The following CLCN4 variants were observed in gnomAD, a reference collection of about 807,000 sequenced individuals.
The protein encoded by CLCN4 is H(+)/Cl(-) exchange transporter 4.
In CLCN4, 1 loss-of-function variant was observed where a neutral mutation model predicts 41.7. That is an observed-to-expected ratio of 0.02 (90% CI 0.01 to 0.11). The LOEUF (loss-of-function observed/expected upper bound fraction) is 0.11. Among genes scored for constraint, CLCN4 ranks in the 10% least tolerant of loss-of-function variants. The pLI is 1.00. For missense variants in CLCN4, 287 were observed against 661.0 expected (o/e 0.43, Z 6.20); for synonymous variants, 277 against 285.8 (o/e 0.97, Z 0.31).
chrX:10,223,835 AGG>A (rs1257472704), intron 12 of CLCN4, among the ~76,000 whole-genome samples: 5 of 112,139 alleles, frequency 4.5e-5, no homozygotes, highest in African/African-American at 1.6e-4. Flanking sequence ...GGTGGTCCAC[AGG>A]GGCCTGGACA....
chrX:10,195,250 G>C (rs1191441519), intron 5 of CLCN4, 152 bp downstream of exon 5: 2 of 493,957 alleles, frequency 4.0e-6, no homozygotes, highest in Non-Finnish European at 6.7e-6. Flanking sequence ...GCTTTTTCCA[G>C]CTCTAATGCT....
At chrX:10,165,668 C>A (rs966569910) in intron 2 of CLCN4, among the ~76,000 whole-genome samples, 9 of 112,333 alleles carry the variant, frequency 8.0e-5, no homozygotes, top group African/African-American at 2.9e-4. Context: ...TGGCTCTTCA[C>A]TTCCCTTCTG....
intron 12 of CLCN4, among the ~76,000 whole-genome samples, chrX:10,226,618 G>C (rs1178332026): frequency 9.0e-6 from 1 of 110,688 alleles, no homozygotes; most frequent in Non-Finnish European, 1.9e-5. Flanking sequence ...TCCAGGAGTT[G>C]TTTTTTTGAA....
intron 8 of CLCN4, among the ~76,000 whole-genome samples, chrX:10,207,235 C>T (rs764716095): frequency 8.0e-5 from 9 of 112,461 alleles, no homozygotes; most frequent in African/African-American, 2.6e-4. Flanking sequence ...GCGATAAATT[C>T]CTGTTTTCAA....
chrX:10,197,708 C>T (rs994541946), intron 5 of CLCN4, among the ~76,000 whole-genome samples: 2 of 111,406 alleles, frequency 1.8e-5, no homozygotes, highest in Non-Finnish European at 3.8e-5. Context: ...GTAGAAGGCG[C>T]GTGTAAACAG....
intron 12 of CLCN4, among the ~76,000 whole-genome samples, chrX:10,231,491 CTTG>C (rs749893194): frequency 1.6e-4 from 18 of 111,240 alleles, no homozygotes; most frequent in African/African-American, 3.9e-4. Context: ...AGTTTCCTGC[CTTG>C]TTGTTGTTTT....
intron 12 of CLCN4, among the ~76,000 whole-genome samples, chrX:10,224,474 T>TA (rs112509633): frequency 4.5e-4 from 46 of 101,665 alleles, no homozygotes; most frequent in Middle Eastern, 9.9e-3. Flanking sequence ...AAAAAGTGTT[T>TA]AAAAAAAAAA....
intron 6 of CLCN4, among the ~76,000 whole-genome samples, chrX:10,202,291 T>C (rs1005581924): frequency 1.8e-5 from 2 of 111,092 alleles, no homozygotes; most frequent in Non-Finnish European, 3.8e-5. Context: ...CTGGCCAACA[T>C]GGCAAAACCC....
At chrX:10,201,349 A>G (rs963172256) in intron 6 of CLCN4, among the ~76,000 whole-genome samples, 6 of 112,141 alleles carry the variant, frequency 5.4e-5, no homozygotes, top group Non-Finnish European at 7.5e-5. Flanking sequence ...GTTCATAACA[A>G]TCTTTTAAAG....
In CLCN4 at chrX:10,220,744, A is replaced by T. The variant is rs563695240; in HGVS notation, c.2059A>T (p.Ser687Cys). Reference protein sequence around the residue: ...TEEPPELPANSPHPLKLRRIL... With the variant: ...TEEPPELPANCPHPLKLRRIL... ...GGAACCCCCCGAGCTGCCGGCCAAC[A>T]GCCCACATCCCCTGAAGCTGCGGCG... Residue 687 changes from serine (S) to cysteine (C), a missense_variant, in exon 12 of 13, where the codon AGC becomes TGC. This residue lies in a region of CLCN4 where 71 missense variants were observed against 104.5 expected (regional missense o/e 0.68). Coordinates refer to ENST00000380833, the MANE Select transcript of CLCN4 (RefSeq NM_001830.4). 8.3e-7 allele frequency: 1 copy of T among 1,211,780 alleles called. No individual in the cohort carries two copies. The highest frequency in any genetic ancestry group is 1.8e-5 in the South Asian group (1 of 56,999).
At chrX:10,175,212 A>G (rs922970599) in intron 2 of CLCN4, among the ~76,000 whole-genome samples, 3 of 111,637 alleles carry the variant, frequency 2.7e-5, no homozygotes, top group African/African-American at 9.8e-5. Context: ...TAGGAGCTCC[A>G]GCTTAGGGTC....
chrX:10,197,039 A>G (rs1292902202), intron 5 of CLCN4, among the ~76,000 whole-genome samples: 1 of 112,000 alleles, frequency 8.9e-6, no homozygotes, highest in Non-Finnish European at 1.9e-5. Flanking sequence ...ATAGGCACAC[A>G]TGTGGCTGTC....
intron 2 of CLCN4, among the ~76,000 whole-genome samples, chrX:10,160,359 G>A (rs1383923109): frequency 2.7e-5 from 3 of 111,737 alleles, no homozygotes; most frequent in Non-Finnish European, 5.6e-5. Context: ...AATAGCTTCT[G>A]TGAAAAGGGG....
intron 9 of CLCN4, among the ~76,000 whole-genome samples, chrX:10,210,650 C>CTTTTT (rs34763016): frequency 4.0e-5 from 3 of 75,048 alleles, no homozygotes; most frequent in Admixed American, 1.6e-4. Flanking sequence ...CCTGAATTGT[C>CTTTTT]TTTTTTTTTT....
intron 12 of CLCN4, among the ~76,000 whole-genome samples, chrX:10,224,406 A>G (rs5978388): frequency 0.23 from 24,021 of 103,812 alleles, 2,514 homozygotes; most frequent in African/African-American, 0.36. Context: ...TCAAAGCAAC[A>G]TTGGTTTAAT....
At chrX:10,189,357 A>G (rs1437176280) in intron 4 of CLCN4, among the ~76,000 whole-genome samples, 1 of 111,664 alleles carries the variant, frequency 9.0e-6, no homozygotes, top group Non-Finnish European at 1.9e-5. Flanking sequence ...CTTGATTTCC[A>G]TCAGCTCTTT....
chrX:10,157,023 C>G lies in CLCN4; in HGVS notation c.-352C>G, dbSNP rs887777906. The G allele has an allele frequency of 3.4e-6, 1 of 298,036 alleles. No homozygotes were observed. Among genetic ancestry groups the G allele is most frequent in the African/African-American group, 2.7e-5 (1 of 37,168 alleles). 24.6% of individuals were successfully genotyped at this position (298,036 alleles called of 1,213,427 possible). On this transcript the variant is annotated 5_prime_UTR_variant, in exon 1 of 13. Coordinates refer to ENST00000380833, the MANE Select transcript of CLCN4 (RefSeq NM_001830.4). The stretch of plus-strand genomic sequence containing the variant: ...GGAAAATGAGCTTGTCAGTTTCTGC[C>G]TCCATTAGACCCTCAACCCAAAGGA...
intron 12 of CLCN4, among the ~76,000 whole-genome samples, chrX:10,226,914 C>CA (rs890144171): frequency 1.4e-4 from 15 of 110,437 alleles, no homozygotes; most frequent in African/African-American, 4.6e-4. Flanking sequence ...GCCTACCAAC[C>CA]AAAAAAATCC....
rs186113289 is a variant in CLCN4, at chrX:10,221,482, C to A, written c.2192+605C>A. Among the ~76,000 whole-genome samples, 9 of 110,739 alleles carry A rather than the reference C, an allele frequency of 8.1e-5. No individual in the cohort carries two copies. In the Admixed American group the frequency reaches 8.6e-4, roughly 11 times the overall value. On this transcript the variant is annotated intron_variant, in intron 12 of 12. Transcript: ENST00000380833. ...TCGAGACCAGCCTGGGTCGCAAGAC[C>A]CTATCTCTACAGATAAATTTTTATA...
Sources: gnomAD v4.1 joint callset for allele counts (sites outside exome capture counted in the v4.1 genomes callset) on GRCh38, gnomAD v4.1.1 for gene constraint, gnomAD v4.1.1 regional missense constraint, MANE v1.5 for transcripts, NCBI Gene and HGNC (gene_info 2026-07-23, HGNC 2026-07-21) for gene names.